The following RIPPLY2 variants were observed in gnomAD, a reference collection of about 807,000 sequenced individuals.
RIPPLY2 encodes the protein protein ripply2.
Under a neutral mutation model 17.7 loss-of-function variants are expected in RIPPLY2, and 20 were observed. That is an observed-to-expected ratio of 1.13 (90% CI 0.79 to 1.64). The LOEUF is 1.64. Among genes scored for constraint, RIPPLY2 ranks in the 40% most tolerant of loss-of-function variants. The pLI, the probability that RIPPLY2 is intolerant of heterozygous loss-of-function variation, is 0.00. For synonymous variants in RIPPLY2, 69 were observed against 63.9 expected (o/e 1.08, Z -0.38); for missense variants, 213 against 169.8 (o/e 1.25, Z -1.41).
chr6:83,853,767 G>T lies in RIPPLY2; in HGVS notation c.168G>T (p.Ala56=). The T allele has an allele frequency of 6.2e-7, 1 of 1,612,534 alleles. No homozygotes were observed. The highest frequency in any genetic ancestry group is 8.5e-7 in the Non-Finnish European group (1 of 1,179,668). Residue 56 remains alanine (A), a synonymous_variant, in exon 2 of 4, where the codon GCG becomes GCT. Coordinates refer to ENST00000369689, the MANE Select transcript of RIPPLY2 (RefSeq NM_001009994.3). Reference sequence around the variant, plus strand: ...AAGAGGAGACGCCGAACCACGCCGCGGAGGCGGTGAGTGAGCCACGCGTCT... The same window carrying T: ...AAGAGGAGACGCCGAACCACGCCGCTGAGGCGGTGAGTGAGCCACGCGTCT... The part of the protein sequence containing the change: ...KKEEETPNHA[A]EAMPDGPGMT...
chr6:83,853,610 C>G, intron 1 of RIPPLY2, 85 bp from the exon 2 acceptor site: 2 of 1,555,082 alleles, frequency 1.3e-6, no homozygotes, highest in South Asian at 2.4e-5. Context: ...CCCCCACTGC[C>G]CGGTGCCAGC....
Position 83,853,367 on chromosome 6 carries a change from C to A in RIPPLY2, c.-50C>A, listed in dbSNP as rs1210858231. 2.7e-6 allele frequency: 4 copies of A among 1,488,792 alleles called. No individual in the cohort carries two copies. The highest frequency in any genetic ancestry group is 3.6e-6 in the Non-Finnish European group (4 of 1,105,270). 92.2% of individuals were successfully genotyped at this position (1,488,792 alleles called of 1,614,324 possible). A position where few individuals can be genotyped will look rare whatever the true frequency, so the allele number is the denominator to read the frequency against. ...GGGTCTCGGACCTACTGGAACTGGTCAAGATTGCCCGCGAGCTGGCAGCGG... is the reference window on the plus strand; with the variant it reads ...GGGTCTCGGACCTACTGGAACTGGTAAAGATTGCCCGCGAGCTGGCAGCGG... On this transcript the variant is annotated 5_prime_UTR_variant, in exon 1 of 4. Coordinates refer to ENST00000369689, the MANE Select transcript of RIPPLY2 (RefSeq NM_001009994.3).
chr6:83,854,045 A>G (rs557506703), intron 2 of RIPPLY2, 52 bp from the exon 3 acceptor site: 1 of 1,534,882 alleles, frequency 6.5e-7, no homozygotes, highest in Non-Finnish European at 9.0e-7. Context: ...GCACGTTTCC[A>G]CTTTCTAGAA....
rs1213920961 is a variant in RIPPLY2 at position 83,853,774 on chromosome 6, G to T, written c.174+1G>T. Reference sequence around the variant, plus strand: ...GACGCCGAACCACGCCGCGGAGGCGGTGAGTGAGCCACGCGTCTCAGGCCG... The same window carrying T: ...GACGCCGAACCACGCCGCGGAGGCGTTGAGTGAGCCACGCGTCTCAGGCCG... On this transcript the variant is annotated splice_donor_variant, in intron 2 of 3. Coordinates refer to ENST00000369689, the MANE Select transcript of RIPPLY2 (RefSeq NM_001009994.3). LOFTEE classifies it high-confidence loss of function. The T allele has an allele frequency of 6.2e-7, 1 of 1,611,750 alleles. No individual in the cohort carries two copies. Among genetic ancestry groups the T allele is most frequent in the Non-Finnish European group, 8.5e-7 (1 of 1,179,264 alleles).
At position 83,854,495 on chromosome 6, in the gene RIPPLY2, C is replaced by A. The variant is rs1366759503; in HGVS notation, c.239+334C>A. 3 of 329,782 alleles carry A rather than the reference C, an allele frequency of 9.1e-6. No individual in the cohort carries two copies. The East Asian group carries it at 1.7e-4, about 19-fold the overall frequency. 20.4% of individuals were successfully genotyped at this position (329,782 alleles called of 1,614,324 possible). A position where few individuals can be genotyped will look rare whatever the true frequency, so the allele number is the denominator to read the frequency against. On this transcript the variant is annotated intron_variant, in intron 3 of 3. Coordinates refer to ENST00000369689, the MANE Select transcript of RIPPLY2 (RefSeq NM_001009994.3). Reference sequence around the variant, plus strand: ...TCCTAAAGGGTTCGAATGAAATTGACTTCGCATCAGGCAGAGTGTGTATGC... The same window carrying A: ...TCCTAAAGGGTTCGAATGAAATTGAATTCGCATCAGGCAGAGTGTGTATGC...
At chr6:83,856,991 G>C in intron 3 of RIPPLY2, 1 of 212,424 alleles carries the variant, frequency 4.7e-6, no homozygotes, top group Admixed American at 5.8e-5. Context: ...CATATCCAGG[G>C]TTTAGTGTAA....
At position 83,857,320 on chromosome 6, in the gene RIPPLY2, A is replaced by C. The variant is rs918750482; in HGVS notation, c.318A>C (p.Gln106His). The C allele has an allele frequency of 6.3e-7, 1 of 1,583,192 alleles. No individual in the cohort carries two copies. The highest frequency in any genetic ancestry group is 8.6e-7 in the Non-Finnish European group (1 of 1,169,516). The change falls in exon 4 of 4, where the codon CAA (glutamine) becomes CAC (histidine). Residue 106 changes from glutamine to histidine, a missense_variant. By Grantham distance (24) the Gln-to-His change is conservative (BLOSUM62 0). Coordinates refer to ENST00000369689, the MANE Select transcript of RIPPLY2 (RefSeq NM_001009994.3). ...CTCTTCTGAAAAATTTTCCAATTCA[A>C]GCCACAATTTCATTTTATGAAGATT... ...AEALLKNFPI[Q>H]ATISFYEDSD...
chr6:83,856,635 A>T (rs898324070), intron 3 of RIPPLY2: 15 of 152,194 alleles, frequency 9.9e-5, no homozygotes, highest in Non-Finnish European at 1.9e-4. Context: ...GGCACATAGA[A>T]TCAAAGTTGA....
Position 83,853,501 on chromosome 6 carries a change from G to A in RIPPLY2, c.85G>A (p.Ala29Thr), listed in dbSNP as rs1323454833. ...ATDGPTRRAG[A>T]DSGYAGFWRP... ...CGACGGCCCTACGCGGCGCGCGGGCGCGGACTCCGGGTAGGCTTCCCCGCG... is the reference window on the plus strand; with the variant it reads ...CGACGGCCCTACGCGGCGCGCGGGCACGGACTCCGGGTAGGCTTCCCCGCG... The change falls in exon 1 of 4, where the codon GCG becomes ACG. Residue 29 changes from alanine (A) to threonine (T), a missense_variant. By Grantham distance (58) the Ala-to-Thr change is moderately conservative. Transcript: ENST00000369689. The A allele has an allele frequency of 1.3e-6, 2 of 1,538,410 alleles. No individual in the cohort carries two copies.
At chr6:83,854,039 G>C (rs2099454621) in intron 2 of RIPPLY2, 58 bp from the exon 3 acceptor site, 8 of 1,500,472 alleles carry the variant, frequency 5.3e-6, no homozygotes, top group Non-Finnish European at 7.4e-6. Context: ...GGTCGTGCAC[G>C]TTTCCACTTT....
rs149292991 is a variant in RIPPLY2, at chr6:83,854,121, G to A, written c.199G>A (p.Ala67Thr). 1 of 1,614,112 alleles carries A rather than the reference G, an allele frequency of 6.2e-7. No homozygotes were observed. Among genetic ancestry groups the A allele is most frequent in the African/African-American group, 1.3e-5 (1 of 75,064 alleles). Residue 67 changes from alanine (A) to threonine (T), a missense_variant, in exon 3 of 4, where the codon GCA (alanine) becomes ACA (threonine). Coordinates refer to ENST00000369689, the MANE Select transcript of RIPPLY2 (RefSeq NM_001009994.3). ...EAMPDGPGMT[A>T]ASGKLYQFRH... Reference sequence around the variant, plus strand: ...GATGCCCGATGGCCCTGGAATGACCGCAGCCTCAGGAAAGCTTTACCAATT... The same window carrying A: ...GATGCCCGATGGCCCTGGAATGACCACAGCCTCAGGAAAGCTTTACCAATT...
At position 83,854,129 on chromosome 6, in the gene RIPPLY2, A is replaced by G; in HGVS notation, c.207A>G (p.Ser69=). Residue 69 remains serine, a synonymous_variant, in exon 3 of 4, where the codon TCA becomes TCG. Transcript: ENST00000369689. ...ATGGCCCTGGAATGACCGCAGCCTC[A>G]GGAAAGCTTTACCAATTCAGGCACC... ...MPDGPGMTAA[S]GKLYQFRHPV... 1 of 1,614,162 alleles carries G rather than the reference A, an allele frequency of 6.2e-7. No homozygotes were observed.
chr6:83,854,338 G>C, intron 3 of RIPPLY2, 177 bp downstream of exon 3: 1 of 623,838 alleles, frequency 1.6e-6, no homozygotes, highest in Non-Finnish European at 2.9e-6. Flanking sequence ...GGGGCTCACG[G>C]TCCCACGTAA....
At chr6:83,854,226 G>C (rs560637926) in intron 3 of RIPPLY2, 65 bp downstream of exon 3, 2 of 1,282,062 alleles carry the variant, frequency 1.6e-6, no homozygotes, top group Non-Finnish European at 2.3e-6. Context: ...CAGGGGCATC[G>C]CGCAGCCCAG....
At chr6:83,854,059 G>C in intron 2 of RIPPLY2, 38 bp from the exon 3 acceptor site, 1 of 1,568,368 alleles carries the variant, frequency 6.4e-7, no homozygotes, top group Non-Finnish European at 8.8e-7. Flanking sequence ...TCTAGAAGGA[G>C]GTGGGTGATA....
chr6:83,853,789 G>T lies in RIPPLY2; in HGVS notation c.174+16G>T. 1.2e-6 allele frequency: 2 copies of T among 1,605,466 alleles called. No individual in the cohort carries two copies. Among genetic ancestry groups the T allele is most frequent in the Non-Finnish European group, 1.7e-6 (2 of 1,174,946 alleles). The stretch of plus-strand genomic sequence containing the variant: ...CGCGGAGGCGGTGAGTGAGCCACGC[G>T]TCTCAGGCCGCGCCTCCCACGGGTG... On this transcript the variant is annotated intron_variant, in intron 2 of 3. Coordinates refer to ENST00000369689, the MANE Select transcript of RIPPLY2 (RefSeq NM_001009994.3).
At chr6:83,855,433 A>G (rs1257992125) in intron 3 of RIPPLY2, 1 of 152,256 alleles carries the variant, frequency 6.6e-6, no homozygotes, top group Non-Finnish European at 1.5e-5. Context: ...TACTTGAATG[A>G]CAAAATAGAT....
intron 3 of RIPPLY2, chr6:83,855,147 C>T (rs2099454795): frequency 6.6e-6 from 1 of 152,238 alleles, no homozygotes; most frequent in Non-Finnish European, 1.5e-5. Context: ...GCGGGAACTC[C>T]AAGGAGTTTA....
chr6:83,857,339 G>T lies in RIPPLY2; in HGVS notation c.337G>T (p.Glu113Ter). 1 of 1,585,670 alleles carries T rather than the reference G, an allele frequency of 6.3e-7. No individual in the cohort carries two copies. Among genetic ancestry groups the T allele is most frequent in the African/African-American group, 1.4e-5 (1 of 73,442 alleles). ...FPIQATISFY[E>*]DSDSEDEIED... ...AATTCAAGCCACAATTTCATTTTAT[G>T]AAGATTCTGATAGCGAAGATGAAAT... The change falls in exon 4 of 4, where the codon GAA becomes TAA. Residue 113 changes from glutamate to a stop codon, truncating the protein, a stop_gained. Coordinates refer to ENST00000369689, the MANE Select transcript of RIPPLY2 (RefSeq NM_001009994.3). LOFTEE classifies it high-confidence loss of function.
Sources: allele counts gnomAD v4.1 joint callset, GRCh38; gene constraint gnomAD v4.1.1; transcripts MANE v1.5; gene names NCBI Gene and HGNC (gene_info 2026-07-23, HGNC 2026-07-21).